The following UGT1A9 variants were observed in gnomAD, a reference collection of about 807,000 sequenced individuals.
The protein encoded by UGT1A9 is UDP glucuronosyltransferase family 1 member A9, also known as UDP-glucuronosyltransferase 1A9.
In UGT1A9, 35 loss-of-function variants were observed where a neutral mutation model predicts 45.0. The ratio of observed to expected loss-of-function variants is 0.78; its 90% confidence interval spans 0.59 to 1.03. The LOEUF (loss-of-function observed/expected upper bound fraction) is 1.03, where lower values mean the gene tolerates loss of function less well. Ranked by LOEUF, UGT1A9 falls within the 50% of genes least tolerant of loss-of-function variation. UGT1A9 has a pLI of 0.00. For synonymous variants in UGT1A9, 278 were observed against 250.6 expected, an observed-to-expected ratio of 1.11 and a Z score of -1.03; for missense variants, 687 against 666.6, an observed-to-expected ratio of 1.03 and a Z score of -0.34.
At chr2:233,732,918 GA>G (rs2078336060) in intron 1 of UGT1A9, among the ~76,000 whole-genome samples, 1 of 151,996 alleles carries the variant, frequency 6.6e-6, no homozygotes, top group South Asian at 2.1e-4. Flanking sequence ...CCATTTTCAC[GA>G]TATTGATTCT....
rs528932470 is a variant in UGT1A9, at chr2:233,768,499, A to C, written c.1295+60A>C. ...TGGCATTCATGATAAAATTGTTTCA[A>C]ATATGAAAACATTTACGTAGCATTT... On this transcript the variant is annotated intron_variant, in intron 4 of 4. Coordinates refer to ENST00000354728, the MANE Select transcript of UGT1A9 (RefSeq NM_021027.3). 123 of 1,570,454 alleles carry C rather than the reference A, an allele frequency of 7.8e-5. No individual in the cohort carries two copies. The East Asian group carries it at 1.6e-3, about 20-fold the overall frequency.
At position 233,768,342 on chromosome 2, in the gene UGT1A9, C is replaced by A. The variant is rs778766461; in HGVS notation, c.1198C>A (p.Arg400Ser). ...LFGDQMDNAK[R>S]METKGAGVTL... ...TGGTGATCAGATGGACAATGCAAAGCGCATGGAGACTAAGGGAGCTGGAGT... is the reference window on the plus strand; with the variant it reads ...TGGTGATCAGATGGACAATGCAAAGAGCATGGAGACTAAGGGAGCTGGAGT... The change falls in exon 4 of 5, where the codon CGC becomes AGC. Residue 400 changes from arginine (R) to serine (S), a missense_variant. By Grantham distance (110) the Arg-to-Ser change is moderately radical. Coordinates refer to ENST00000354728, the MANE Select transcript of UGT1A9 (RefSeq NM_021027.3). 6.2e-7 allele frequency: 1 copy of A among 1,613,974 alleles called. No individual in the cohort carries two copies. Among genetic ancestry groups the A allele is most frequent in the Non-Finnish European group, 8.5e-7 (1 of 1,180,048 alleles).
At chr2:233,730,394 T>C (rs1343780073) in intron 1 of UGT1A9, among the ~76,000 whole-genome samples, 2 of 152,242 alleles carry the variant, frequency 1.3e-5, no homozygotes, top group Non-Finnish European at 2.9e-5. Context: ...GATGCAACAG[T>C]AAATTACAAT....
intron 1 of UGT1A9, among the ~76,000 whole-genome samples, chr2:233,739,686 T>A (rs558118355): frequency 4.6e-5 from 7 of 152,354 alleles, no homozygotes; most frequent in Admixed American, 4.6e-4. Context: ...ACTAACTTGT[T>A]TTTGATTTTA....
At chr2:233,743,099 A>T (rs1692202324) in intron 1 of UGT1A9, 1 of 352,144 alleles carries the variant, frequency 2.8e-6, no homozygotes, top group Non-Finnish European at 5.6e-6. Flanking sequence ...ATTCTTGGGT[A>T]CAGCTGTTCT....
At chr2:233,683,989 G>T (rs4433994) in intron 1 of UGT1A9, among the ~76,000 whole-genome samples, 103,718 of 152,064 alleles carry the variant, frequency 0.68, 36,584 homozygotes, top group African/African-American at 0.86. Flanking sequence ...TGAAAAAGTC[G>T]TGACAAATAC....
chr2:233,717,373 A>G (rs1210883580), intron 1 of UGT1A9, among the ~76,000 whole-genome samples: 1 of 152,192 alleles, frequency 6.6e-6, no homozygotes, highest in Admixed American at 6.5e-5. Context: ...TCAAGCCCTT[A>G]CAGACCTGCC....
intron 1 of UGT1A9, among the ~76,000 whole-genome samples, chr2:233,745,325 C>G (rs901195420): frequency 6.6e-6 from 1 of 151,822 alleles, no homozygotes; most frequent in African/African-American, 2.4e-5. Context: ...ACTAGAACTG[C>G]TATATCATGA....
intron 1 of UGT1A9, among the ~76,000 whole-genome samples, chr2:233,731,261 T>C (rs1490710727): frequency 2.6e-5 from 4 of 151,726 alleles, no homozygotes; most frequent in Non-Finnish European, 4.4e-5. Flanking sequence ...AAATAGTGAC[T>C]GTTGCCCTTC....
At chr2:233,717,127 G>C (rs182084738) in intron 1 of UGT1A9, among the ~76,000 whole-genome samples, 1 of 152,148 alleles carries the variant, frequency 6.6e-6, no homozygotes, top group South Asian at 2.1e-4. Context: ...CATGGAAATA[G>C]AACACCACTA....
chr2:233,771,498 A>G (rs1006234323), intron 4 of UGT1A9: 3 of 152,314 alleles, frequency 2.0e-5, no homozygotes, highest in Non-Finnish European at 4.4e-5. Flanking sequence ...TAATGTTTCA[A>G]TGACTGAATT....
intron 1 of UGT1A9, among the ~76,000 whole-genome samples, chr2:233,721,326 T>G (rs2076937613): frequency 6.6e-6 from 1 of 152,254 alleles, no homozygotes; most frequent in East Asian, 1.9e-4. Context: ...TTTCTTGTGG[T>G]TTTTCACTAT....
At chr2:233,694,906 C>T (rs536764426) in intron 1 of UGT1A9, among the ~76,000 whole-genome samples, 2 of 152,312 alleles carry the variant, frequency 1.3e-5, no homozygotes, top group South Asian at 2.1e-4. Context: ...TTTTGATACA[C>T]GTATACAATG....
At chr2:233,741,922 TG>T (rs1282682556) in intron 1 of UGT1A9, 2 of 151,910 alleles carry the variant, frequency 1.3e-5, no homozygotes, top group Non-Finnish European at 2.9e-5. Flanking sequence ...GGTCTTCATT[TG>T]GGGCATAACC....
At position 233,769,564 on chromosome 2, in the gene UGT1A9, A is replaced by G; in HGVS notation, c.1295+1125A>G. 2 of 1,612,876 alleles carry G rather than the reference A, an allele frequency of 1.2e-6. No homozygotes were observed. Among genetic ancestry groups the G allele is most frequent in the Non-Finnish European group, 1.7e-6 (2 of 1,179,838 alleles). Reference sequence around the variant, plus strand: ...AGCAGTCAGGAAGACAGATGTGAAGAGCTGGAGCATGTTCAGATGAGAGGA... The same window carrying G: ...AGCAGTCAGGAAGACAGATGTGAAGGGCTGGAGCATGTTCAGATGAGAGGA... On this transcript the variant is annotated intron_variant, in intron 4 of 4. Transcript: ENST00000354728. The surrounding 1 kb of genome is among the most constrained non-coding windows in gnomAD (Gnocchi z 4.4).
chr2:233,748,809 T>C (rs927087498), intron 1 of UGT1A9, among the ~76,000 whole-genome samples: 1 of 151,174 alleles, frequency 6.6e-6, no homozygotes, highest in Non-Finnish European at 1.5e-5. Flanking sequence ...TATCAAGAAA[T>C]TGTGGAAGGG....
intron 1 of UGT1A9, chr2:233,721,813 G>C: frequency 1.9e-6 from 1 of 515,244 alleles, no homozygotes; most frequent in South Asian, 1.4e-5. Context: ...CAAAAATCCA[G>C]CACCCTATTT....
intron 1 of UGT1A9, among the ~76,000 whole-genome samples, chr2:233,724,130 C>A (rs2077172730): frequency 2.5e-5 from 3 of 120,862 alleles, no homozygotes; most frequent in Non-Finnish European, 3.4e-5. Flanking sequence ...CCCCTCACCT[C>A]CCGGACGGGG....
chr2:233,755,079 A>C, intron 1 of UGT1A9: 1 of 1,336,770 alleles, frequency 7.5e-7, no homozygotes, highest in Non-Finnish European at 1.0e-6. Flanking sequence ...GCGGTCATAG[A>C]TATCGCGTTT....
Sources: allele counts gnomAD v4.1 joint callset (sites outside exome capture counted in the v4.1 genomes callset), GRCh38; gene constraint gnomAD v4.1.1; non-coding constraint Gnocchi (gnomAD v3.1); transcripts MANE v1.5; gene names NCBI Gene and HGNC (gene_info 2026-07-23, HGNC 2026-07-21).